Variants in NKAIN2 observed in about 807,000 individuals in gnomAD.
NKAIN2 encodes sodium/potassium transporting ATPase interacting 2, also known as sodium/potassium-transporting ATPase subunit beta-1-interacting protein 2.
NKAIN2 carries 14 observed loss-of-function variants against 32.6 expected under a neutral mutation model. That is an observed-to-expected ratio of 0.43 (90% confidence interval 0.28 to 0.67). The LOEUF (loss-of-function observed/expected upper bound fraction) is 0.67, where lower values mean the gene tolerates loss of function less well. Among genes scored for constraint, NKAIN2 ranks in the 30% least tolerant of loss-of-function variants. NKAIN2 has a pLI of 0.17. For missense variants in NKAIN2, 198 were observed against 258.3 expected, an observed-to-expected ratio of 0.77 and a Z score of 1.60; for synonymous variants, 80 against 87.2, an observed-to-expected ratio of 0.92 and a Z score of 0.46.
At chr6:124,425,311 A>G (rs979444440) in intron 3 of NKAIN2, among the ~76,000 whole-genome samples, 1 of 152,152 alleles carries the variant, frequency 6.6e-6, no homozygotes, top group Non-Finnish European at 1.5e-5. Flanking sequence ...TATACACAAT[A>G]ATCAATTCGA....
At chr6:124,612,853 G>A (rs1278035884) in intron 3 of NKAIN2, among the ~76,000 whole-genome samples, 1 of 152,106 alleles carries the variant, frequency 6.6e-6, no homozygotes, top group Non-Finnish European at 1.5e-5. Context: ...TACTGATGTG[G>A]TTATTATCTA....
chr6:124,214,590 A>T (rs995822638), intron 1 of NKAIN2, among the ~76,000 whole-genome samples: 3 of 152,192 alleles, frequency 2.0e-5, no homozygotes, highest in South Asian at 2.1e-4. Context: ...CTCTACTAAA[A>T]ATACAAAAAC....
chr6:124,373,004 A>T (rs767046221), intron 3 of NKAIN2, among the ~76,000 whole-genome samples: 11 of 152,316 alleles, frequency 7.2e-5, no homozygotes, highest in Non-Finnish European at 1.6e-4. Flanking sequence ...TATAAATATC[A>T]CTATGACTGT....
intron 4 of NKAIN2, among the ~76,000 whole-genome samples, chr6:124,778,358 A>G (rs1188929127): frequency 6.7e-6 from 1 of 148,960 alleles, no homozygotes; most frequent in Non-Finnish European, 1.5e-5. Context: ...TAATACTTCA[A>G]AAAAAAAAAG....
At position 124,351,380 on chromosome 6, in the gene NKAIN2, C is replaced by G. The variant is rs549601733; in HGVS notation, c.193-3887C>G. Among the ~76,000 whole-genome samples the G allele has an allele frequency of 7.2e-5, 11 of 151,892 alleles. No individual in the cohort carries two copies. In the South Asian group the frequency reaches 2.1e-3, roughly 29 times the overall value. On this transcript the variant is annotated intron_variant, in intron 2 of 6. Transcript: ENST00000368417. ...ATTAGCCAGGCATGGTGATGCATGCCTGTAGTTCCAGCTACCCAAGAGGCT... is the reference window on the plus strand; with the variant it reads ...ATTAGCCAGGCATGGTGATGCATGCGTGTAGTTCCAGCTACCCAAGAGGCT...
Position 124,608,858 on chromosome 6 carries a change from A to C in NKAIN2, c.274-49328A>C, listed in dbSNP as rs150168837. Among the ~76,000 whole-genome samples, 956 of 152,304 alleles carry C rather than the reference A, an allele frequency of 6.3e-3. 3 individuals carry two copies. The highest frequency in any genetic ancestry group is 9.8e-3 in the Non-Finnish European group (667 of 68,012). ...GACCACAGGCAGATGCCTGTGGACT[A>C]TAATTCTCCACCTCAATGTCACTTG... On this transcript the variant is annotated intron_variant, in intron 3 of 6. Transcript: ENST00000368417.
At chr6:124,083,384 T>G (rs1784058890) in intron 1 of NKAIN2, among the ~76,000 whole-genome samples, 1 of 151,966 alleles carries the variant, frequency 6.6e-6, no homozygotes, top group South Asian at 2.1e-4. Context: ...GTTATTATTG[T>G]CATCATTACT....
intron 1 of NKAIN2, among the ~76,000 whole-genome samples, chr6:123,815,189 T>G (rs1234433234): frequency 2.6e-5 from 4 of 152,188 alleles, no homozygotes; most frequent in African/African-American, 9.7e-5. Context: ...AACCTGTTCT[T>G]TATCATTTAT....
chr6:124,575,157 C>T (rs1040251802), intron 3 of NKAIN2, among the ~76,000 whole-genome samples: 2 of 152,152 alleles, frequency 1.3e-5, no homozygotes, highest in African/African-American at 4.8e-5. Flanking sequence ...AATTGGACTC[C>T]TAACCTTTAG....
chr6:124,211,385 C>G (rs1005645798), intron 1 of NKAIN2, among the ~76,000 whole-genome samples: 1 of 151,872 alleles, frequency 6.6e-6, no homozygotes, highest in African/African-American at 2.4e-5. Flanking sequence ...AAACTATCTC[C>G]TACCACATTG....
intron 3 of NKAIN2, among the ~76,000 whole-genome samples, chr6:124,453,851 T>TA (rs1343369648): frequency 2.6e-5 from 4 of 152,124 alleles, no homozygotes; most frequent in Non-Finnish European, 4.4e-5. Flanking sequence ...ATCATATAGT[T>TA]AAAAAAAGTA....
At chr6:123,954,903 G>A (rs1777496240) in intron 1 of NKAIN2, among the ~76,000 whole-genome samples, 1 of 152,082 alleles carries the variant, frequency 6.6e-6, no homozygotes, top group South Asian at 2.1e-4. Flanking sequence ...AGTGAAGGAA[G>A]CTGTCAGCAG....
intron 1 of NKAIN2, among the ~76,000 whole-genome samples, chr6:123,809,800 T>C (rs1163202383): frequency 6.6e-6 from 1 of 152,174 alleles, no homozygotes; most frequent in Non-Finnish European, 1.5e-5. Flanking sequence ...AGGTATAGAC[T>C]CTTTTTGTTT....
At chr6:123,843,631 C>G (rs1404423635) in intron 1 of NKAIN2, among the ~76,000 whole-genome samples, 3 of 152,130 alleles carry the variant, frequency 2.0e-5, no homozygotes, top group Non-Finnish European at 4.4e-5. Context: ...TGACCTCGCC[C>G]TCTTCTACCC....
intron 1 of NKAIN2, among the ~76,000 whole-genome samples, chr6:124,167,390 G>T (rs1275839676): frequency 6.6e-6 from 1 of 152,092 alleles, no homozygotes; most frequent in Admixed American, 6.6e-5. Flanking sequence ...CATTGCTGAA[G>T]TTGCTTATCA....
At chr6:124,054,673 G>T (rs1240076277) in intron 1 of NKAIN2, among the ~76,000 whole-genome samples, 1 of 151,978 alleles carries the variant, frequency 6.6e-6, no homozygotes, top group Non-Finnish European at 1.5e-5. Flanking sequence ...CCTGATCAGA[G>T]ATCAGCAAAG....
chr6:124,759,655 ACCCC>A (rs3223322), intron 4 of NKAIN2, among the ~76,000 whole-genome samples: 4 of 53,140 alleles, frequency 7.5e-5, no homozygotes, highest in South Asian at 9.3e-4. Context: ...ACACACACAC[ACCCC>A]CTATCTCCCT....
intron 1 of NKAIN2, among the ~76,000 whole-genome samples, chr6:124,265,523 C>T (rs1399819212): frequency 6.6e-6 from 1 of 152,018 alleles, no homozygotes; most frequent in African/African-American, 2.4e-5. Context: ...CTAAAATTGG[C>T]AATTTATTTT....
intron 4 of NKAIN2, among the ~76,000 whole-genome samples, chr6:124,767,413 G>A (rs550454237): frequency 3.9e-5 from 6 of 152,192 alleles, no homozygotes; most frequent in African/African-American, 1.2e-4. Context: ...GGACTATTGT[G>A]GTTTGCCTCC....
Sources: allele counts gnomAD v4.1 joint callset (sites outside exome capture counted in the v4.1 genomes callset), GRCh38; gene constraint gnomAD v4.1.1; transcripts MANE v1.5; gene names NCBI Gene and HGNC (gene_info 2026-07-23, HGNC 2026-07-21).